The following COBL variants were observed in gnomAD, a reference collection of about 807,000 sequenced individuals.
COBL encodes the protein cordon-bleu WH2 repeat protein.
In COBL, 51 loss-of-function variants were observed where a neutral mutation model predicts 98.8. That is an observed-to-expected ratio of 0.52 (90% CI 0.41 to 0.65). The LOEUF is 0.65. COBL is among the 30% of genes least tolerant of loss of function. The pLI is 0.00. For missense variants in COBL, 1,617 were observed against 1,617.5 expected (o/e 1.00, Z 0.01); for synonymous variants, 634 against 651.7 (o/e 0.97, Z 0.41).
intron 5 of COBL, among the ~76,000 whole-genome samples, chr7:51,138,759 G>A (rs1339306718): frequency 1.3e-5 from 2 of 152,200 alleles, no homozygotes; most frequent in Non-Finnish European, 2.9e-5. Context: ...CTACACACCT[G>A]TACCCATGCC....
intron 1 of COBL, among the ~76,000 whole-genome samples, chr7:51,296,996 T>C (rs1328888171): frequency 6.6e-6 from 1 of 152,194 alleles, no homozygotes; most frequent in African/African-American, 2.4e-5. Context: ...GGATCATCTT[T>C]AGCCAAGGCT....
chr7:51,047,513 T>C (rs771396553), intron 7 of COBL, among the ~76,000 whole-genome samples: 4 of 152,386 alleles, frequency 2.6e-5, no homozygotes, highest in Admixed American at 6.5e-5. Context: ...TAAATGTAAG[T>C]ATCTTCCAAG....
intron 1 of COBL, among the ~76,000 whole-genome samples, chr7:51,242,610 ACT>A (rs980924564): frequency 2.0e-5 from 3 of 152,028 alleles, no homozygotes; most frequent in East Asian, 1.9e-4. Flanking sequence ...CCATAAATTG[ACT>A]CTGATCTCTG....
chr7:51,040,708 C>T (rs1039170583), intron 8 of COBL, among the ~76,000 whole-genome samples: 1 of 152,166 alleles, frequency 6.6e-6, no homozygotes, highest in Non-Finnish European at 1.5e-5. Flanking sequence ...AACTCCCTCC[C>T]TCCCCACCAC....
chr7:51,186,793 C>G (rs1789564745), intron 4 of COBL, among the ~76,000 whole-genome samples: 1 of 152,166 alleles, frequency 6.6e-6, no homozygotes. Flanking sequence ...CCTCTAGAGG[C>G]TTGGCAGACA....
intron 7 of COBL, among the ~76,000 whole-genome samples, chr7:51,062,957 G>GT (rs1791533649): frequency 6.6e-6 from 1 of 152,066 alleles, no homozygotes; most frequent in African/African-American, 2.4e-5. Context: ...CCCCAAAACA[G>GT]TGAGACGCTC....
rs10579615 is a variant in COBL at position 51,057,333 on chromosome 7, T to TAC, written c.1097-13643_1097-13642dup. ...ATATATATGCGTGCACGCACACACA[T>TAC]ACACACACACACACACACATATATT... On this transcript the variant is annotated intron_variant, in intron 7 of 12. Transcript: ENST00000265136. Among the ~76,000 whole-genome samples, 425 of 149,210 alleles carry TAC rather than the reference T, an allele frequency of 2.8e-3. 2 individuals carry two copies. Among genetic ancestry groups the TAC allele is most frequent in the East Asian group, 0.015 (77 of 5,012 alleles).
intron 1 of COBL, among the ~76,000 whole-genome samples, chr7:51,305,936 T>C (rs1802430173): frequency 6.6e-6 from 1 of 152,084 alleles, no homozygotes; most frequent in South Asian, 2.1e-4. Flanking sequence ...CTCAGGAGGC[T>C]GAGGCAGAAG....
rs1322363228 is a variant in COBL, at chr7:51,184,082, A to G, written c.783+20T>C. Reference sequence around the variant, plus strand: ...TTTTTTTTACATGATACAAAATCATATGTGTATTTAATCCATTACCTTACT... The same window carrying G: ...TTTTTTTTACATGATACAAAATCATGTGTGTATTTAATCCATTACCTTACT... On this transcript the variant is annotated intron_variant, in intron 5 of 12. Coordinates refer to ENST00000265136, the MANE Select transcript of COBL (RefSeq NM_015198.5). The G allele has an allele frequency of 8.4e-7, 1 of 1,188,200 alleles. No homozygotes were observed. Among genetic ancestry groups the G allele is most frequent in the Non-Finnish European group, 1.2e-6 (1 of 837,422 alleles). 73.6% of individuals were successfully genotyped at this position (1,188,200 alleles called of 1,614,324 possible).
chr7:51,041,375 T>C (rs1200326647), intron 8 of COBL, among the ~76,000 whole-genome samples: 8 of 152,018 alleles, frequency 5.3e-5, no homozygotes, highest in Admixed American at 2.6e-4. Context: ...TTCATATGAA[T>C]AGGGTTGGAA....
intron 7 of COBL, among the ~76,000 whole-genome samples, chr7:51,074,711 C>T: frequency 6.6e-6 from 1 of 152,170 alleles, no homozygotes; most frequent in East Asian, 1.9e-4. Flanking sequence ...GAAATCTGTT[C>T]TCAGGTTTCT....
At chr7:51,272,658 G>A (rs1798869675) in intron 1 of COBL, among the ~76,000 whole-genome samples, 1 of 152,100 alleles carries the variant, frequency 6.6e-6, no homozygotes, top group African/African-American at 2.4e-5. Context: ...ATTGCGCTTG[G>A]ACCTCTAAAA....
chr7:51,144,331 T>TA (rs1281104348), intron 5 of COBL, among the ~76,000 whole-genome samples: 1 of 152,170 alleles, frequency 6.6e-6, no homozygotes, highest in Non-Finnish European at 1.5e-5. Flanking sequence ...TACAGCGAGT[T>TA]ACTGGTTGCC....
intron 2 of COBL, among the ~76,000 whole-genome samples, chr7:51,219,214 A>G (rs1426404569): frequency 6.6e-6 from 1 of 152,228 alleles, no homozygotes; most frequent in African/African-American, 2.4e-5. Flanking sequence ...CTCAAATTCA[A>G]GCCCTTAAAT....
At chr7:51,193,950 T>C (rs1028016329) in intron 2 of COBL, among the ~76,000 whole-genome samples, 8 of 152,194 alleles carry the variant, frequency 5.3e-5, no homozygotes, top group African/African-American at 1.9e-4. Context: ...ATATAATGTA[T>C]CTTTTTGATT....
chr7:51,296,011 T>G (rs1219631017), intron 1 of COBL, among the ~76,000 whole-genome samples: 1 of 152,218 alleles, frequency 6.6e-6, no homozygotes, highest in African/African-American at 2.4e-5. Context: ...TGAGAAGGCC[T>G]TCCATAAAAA....
chr7:51,201,188 C>T lies in COBL; in HGVS notation c.246-7599G>A, dbSNP rs530844807. ...CCAGGAGACAGAGATTGCAGTAAGC[C>T]GAGATGGTGCCACTGCACTCCAGCC... On this transcript the variant is annotated intron_variant, in intron 2 of 12. Transcript: ENST00000265136. 4.8e-5 allele frequency among the ~76,000 whole-genome samples: 7 copies of T among 146,368 alleles called. No homozygotes were observed. In the South Asian group the frequency reaches 8.6e-4, roughly 18 times the overall value.
chr7:51,090,475 G>A (rs905438337), intron 6 of COBL, among the ~76,000 whole-genome samples: 1 of 152,240 alleles, frequency 6.6e-6, no homozygotes, highest in African/African-American at 2.4e-5. Flanking sequence ...AGAGAAGAAT[G>A]GAATGTACAT....
chr7:51,295,347 T>A (rs1801328525), intron 1 of COBL, among the ~76,000 whole-genome samples: 1 of 150,578 alleles, frequency 6.6e-6, no homozygotes, highest in East Asian at 1.9e-4. Context: ...ATGGCACATG[T>A]ATACCTACAT....
Sources: gnomAD v4.1 joint callset for allele counts (sites outside exome capture counted in the v4.1 genomes callset) on GRCh38, gnomAD v4.1.1 for gene constraint, MANE v1.5 for transcripts, NCBI Gene and HGNC (gene_info 2026-07-23, HGNC 2026-07-21) for gene names.